RLIM: variants seen among roughly 807,000 people sequenced by gnomAD.
The protein encoded by RLIM is E3 ubiquitin-protein ligase RLIM.
Under a neutral mutation model 34.0 loss-of-function variants are expected in RLIM, and 2 were observed. The ratio of observed to expected loss-of-function variants is 0.06; its 90% CI spans 0.02 to 0.19. The LOEUF (loss-of-function observed/expected upper bound fraction) is 0.19, where lower values mean the gene tolerates loss of function less well. Ranked by LOEUF, RLIM falls within the 10% of genes least tolerant of loss-of-function variation. The pLI is 1.00. For missense variants in RLIM, 286 were observed against 479.7 expected (o/e 0.60, Z 3.77); for synonymous variants, 169 against 164.0 (o/e 1.03, Z -0.23).
chrX:74,593,186 AT>A, intron 3 of RLIM, 125 bp from the exon 4 acceptor site: 1 of 728,113 alleles, frequency 1.4e-6, no homozygotes. Flanking sequence ...ATAATTACAG[AT>A]TTTTACAAAC....
rs1483851518 is a variant in RLIM, at chrX:74,583,841, T to C, written c.*7599A>G. Among the ~76,000 whole-genome samples the C allele has an allele frequency of 9.3e-6, 1 of 107,840 alleles. No individual in the cohort carries two copies. Among genetic ancestry groups the C allele is most frequent in the African/African-American group, 3.4e-5 (1 of 29,347 alleles). 93.6% of individuals were successfully genotyped at this position (107,840 alleles called of 115,157 possible). A position where few individuals can be genotyped will look rare whatever the true frequency, so the allele number is the denominator to read the frequency against. On this transcript the variant is annotated 3_prime_UTR_variant, in exon 4 of 4. Transcript: ENST00000332687. ...GACGGGCAGATCATGGGATCAGGGGTTCAAGACCAGCCTGGCCAACATGGT... is the reference window on the plus strand; with the variant it reads ...GACGGGCAGATCATGGGATCAGGGGCTCAAGACCAGCCTGGCCAACATGGT...
At chrX:74,607,770 A>G (rs1486900727) in intron 1 of RLIM, among the ~76,000 whole-genome samples, 1 of 112,347 alleles carries the variant, frequency 8.9e-6, no homozygotes, top group Admixed American at 9.4e-5. Flanking sequence ...ACAAAAAAGA[A>G]CTTCATAAAG....
chrX:74,609,782 T>C (rs1317003828), intron 1 of RLIM, among the ~76,000 whole-genome samples: 4 of 111,423 alleles, frequency 3.6e-5, no homozygotes, highest in African/African-American at 9.8e-5. Flanking sequence ...ATGGTCTCCT[T>C]AGTTATAATC....
At chrX:74,613,261 T>G (rs773824862) in intron 1 of RLIM, among the ~76,000 whole-genome samples, 176 of 111,416 alleles carry the variant, frequency 1.6e-3, no homozygotes, top group Non-Finnish European at 2.9e-3. Context: ...CTTCCCCCTT[T>G]CAATCAGTCC....
chrX:74,598,237 T>C (rs2079647638), intron 1 of RLIM, among the ~76,000 whole-genome samples: 3 of 111,879 alleles, frequency 2.7e-5, no homozygotes, highest in African/African-American at 9.8e-5. Context: ...AATTTCCTTA[T>C]TTCAAAATCC....
chrX:74,591,886 GACTGGA>G lies in RLIM; in HGVS notation c.1423_1428del (p.Ser475_Ser476del), dbSNP rs745590859. 1.8e-5 allele frequency: 22 copies of G among 1,203,774 alleles called. No homozygotes were observed. The highest frequency in any genetic ancestry group is 2.2e-5 in the Non-Finnish European group (20 of 891,843). ...CTTTCACCACCGGAACTGGAACTAG[GACTGGA>G]ACTGGAACTTGAACTGGAACTGGAA... On this transcript the variant is annotated inframe_deletion, in exon 4 of 4. Transcript: ENST00000332687.
chrX:74,601,526 C>T (rs1454817705), intron 1 of RLIM, among the ~76,000 whole-genome samples: 2 of 111,696 alleles, frequency 1.8e-5, no homozygotes, highest in Non-Finnish European at 3.8e-5. Context: ...AAACCCCCCC[C>T]CAAAAAGATT....
intron 1 of RLIM, among the ~76,000 whole-genome samples, chrX:74,606,450 G>C (rs2079682458): frequency 1.8e-5 from 2 of 111,770 alleles, no homozygotes; most frequent in Admixed American, 1.9e-4. Flanking sequence ...GAATTTTAAA[G>C]TATTGTTAAT....
intron 1 of RLIM, among the ~76,000 whole-genome samples, chrX:74,607,478 CGCGGGCGGA>C (rs2079687390): frequency 8.9e-6 from 1 of 112,912 alleles, no homozygotes; most frequent in Non-Finnish European, 1.9e-5. Context: ...GGGAGGCCGA[CGCGGGCGGA>C]TCACCTGAGG....
intron 2 of RLIM, among the ~76,000 whole-genome samples, chrX:74,595,461 A>G (rs1030659822): frequency 1.8e-5 from 2 of 111,776 alleles, no homozygotes; most frequent in Non-Finnish European, 1.9e-5. Context: ...AGATAACAGA[A>G]TAAGTCTTTC....
At chrX:74,598,635 T>C (rs1378661739) in intron 1 of RLIM, among the ~76,000 whole-genome samples, 2 of 108,205 alleles carry the variant, frequency 1.8e-5, no homozygotes, top group East Asian at 5.8e-4. Flanking sequence ...AAAAATTAGC[T>C]GGGTGTGGTG....
chrX:74,598,087 T>C (rs1169625545), intron 1 of RLIM, among the ~76,000 whole-genome samples: 1 of 112,159 alleles, frequency 8.9e-6, no homozygotes, highest in African/African-American at 3.2e-5. Flanking sequence ...TCACATGTAA[T>C]GTCAAGCTGT....
In RLIM at chrX:74,595,792, A is replaced by C. The variant is rs762647193; in HGVS notation, c.169+17T>G. ...AGCAACTTACACTTATAAATCCTTA[A>C]ATATATGTAAGCATACCTGGGGTGC... On this transcript the variant is annotated intron_variant, in intron 2 of 3. Coordinates refer to ENST00000332687, the MANE Select transcript of RLIM (RefSeq NM_016120.4). The C allele has an allele frequency of 9.6e-6, 11 of 1,148,149 alleles. No individual in the cohort carries two copies. Among genetic ancestry groups the C allele is most frequent in the Non-Finnish European group, 1.3e-5 (11 of 855,598 alleles). The allele number at this position is 1,148,149 out of a possible 1,213,427, so 94.6% of individuals were successfully genotyped here.
intron 3 of RLIM, among the ~76,000 whole-genome samples, chrX:74,593,540 T>C (rs1489358084): frequency 2.7e-5 from 3 of 112,913 alleles, no homozygotes; most frequent in Non-Finnish European, 3.7e-5. Context: ...GACTATTTAT[T>C]GTAGCCATAA....
intron 1 of RLIM, among the ~76,000 whole-genome samples, chrX:74,601,267 C>T (rs2079660045): frequency 9.0e-6 from 1 of 111,016 alleles, no homozygotes; most frequent in South Asian, 3.8e-4. Context: ...AACAACTTTT[C>T]AAAGAAAATC....
intron 1 of RLIM, among the ~76,000 whole-genome samples, chrX:74,609,487 C>CAAAAAAAAAAAA (rs752008137): frequency 3.0e-5 from 1 of 32,796 alleles, no homozygotes; most frequent in African/African-American, 9.3e-5. Context: ...GACTCCGTTT[C>CAAAAAAAAAAAA]AAAAAAAAAA....
At chrX:74,605,674 A>G (rs999307039) in intron 1 of RLIM, among the ~76,000 whole-genome samples, 2 of 112,132 alleles carry the variant, frequency 1.8e-5, no homozygotes, top group Admixed American at 9.5e-5. Context: ...TTTTCTATGA[A>G]AAGATTACCC....
rs1322756934 is a variant in RLIM, at chrX:74,598,652, G to A, written c.-23-2652C>T. 3.7e-5 allele frequency among the ~76,000 whole-genome samples: 4 copies of A among 108,440 alleles called. No homozygotes were observed. The East Asian group carries it at 8.7e-4, about 24-fold the overall frequency. 94.2% of individuals were successfully genotyped at this position (108,440 alleles called of 115,157 possible). On this transcript the variant is annotated intron_variant, in intron 1 of 3. Coordinates refer to ENST00000332687, the MANE Select transcript of RLIM (RefSeq NM_016120.4). ...AAATTAGCTGGGTGTGGTGGCGGGC[G>A]CCTGTAGTCCCAGCTACTCGGGAGG... is the stretch of plus-strand genomic sequence containing the variant.
Position 74,592,391 on chromosome X carries a change from T to C in RLIM, c.924A>G (p.Glu308=). The C allele has an allele frequency of 8.3e-7, 1 of 1,211,727 alleles. No homozygotes were observed. The highest frequency in any genetic ancestry group is 3.0e-5 in the East Asian group (1 of 33,845). The change falls in exon 4 of 4, where the codon GAA becomes GAG. Residue 308 remains glutamate (E), a synonymous_variant. Coordinates refer to ENST00000332687, the MANE Select transcript of RLIM (RefSeq NM_016120.4). ...AGSSDTAASG[E]STGSGQRPPT... ...GAGGTCTCTGTCCTGATCCTGTAGA[T>C]TCACCACTGGCAGCTGTGTCTGAAG...
Sources: allele counts gnomAD v4.1 joint callset (sites outside exome capture counted in the v4.1 genomes callset), GRCh38; gene constraint gnomAD v4.1.1; transcripts MANE v1.5; gene names NCBI Gene and HGNC (gene_info 2026-07-23, HGNC 2026-07-21).